Variants in CSMD1 observed in about 807,000 individuals in gnomAD.
CSMD1 encodes the protein CUB and sushi domain-containing protein 1.
Under a neutral mutation model 417.5 loss-of-function variants are expected in CSMD1, and 213 were observed. The ratio of observed to expected loss-of-function variants is 0.51; its 90% CI spans 0.46 to 0.57. The LOEUF is 0.57. CSMD1 is among the 20% of genes least tolerant of loss of function. The pLI is 0.00. For missense variants in CSMD1, 6,923 were observed against 4,529.7 expected, an observed-to-expected ratio of 1.53 and a Z score of -15.17; for synonymous variants, 2,862 against 1,736.8, an observed-to-expected ratio of 1.65 and a Z score of -16.11.
At chr8:3,257,843 G>A (rs1800774736) in intron 26 of CSMD1, among the ~76,000 whole-genome samples, 1 of 152,138 alleles carries the variant, frequency 6.6e-6, no homozygotes, top group African/African-American at 2.4e-5. Flanking sequence ...CAGCTGCAAG[G>A]GACTTGGGGC....
chr8:3,669,443 T>C (rs1398096104), intron 7 of CSMD1, among the ~76,000 whole-genome samples: 1 of 152,160 alleles, frequency 6.6e-6, no homozygotes, highest in African/African-American at 2.4e-5. Context: ...ACTCCACTGA[T>C]GGTCCTGTTC....
intron 1 of CSMD1, among the ~76,000 whole-genome samples, chr8:4,739,755 C>A (rs775841981): frequency 2.6e-5 from 4 of 152,154 alleles, no homozygotes; most frequent in African/African-American, 7.2e-5. Context: ...TCCCTTCCCA[C>A]AAAGATTCTC....
intron 3 of CSMD1, among the ~76,000 whole-genome samples, chr8:4,407,152 G>A (rs535040215): frequency 6.6e-6 from 1 of 152,270 alleles, no homozygotes; most frequent in East Asian, 1.9e-4. Flanking sequence ...AAAGCCAAAA[G>A]AGTAACTCTG....
chr8:4,835,792 C>T (rs1199791063), intron 1 of CSMD1, among the ~76,000 whole-genome samples: 2 of 151,466 alleles, frequency 1.3e-5, no homozygotes, highest in South Asian at 2.1e-4. Context: ...TAATTCTCAA[C>T]AGTGTTATAT....
At chr8:3,578,332 T>G (rs1020898804) in intron 9 of CSMD1, among the ~76,000 whole-genome samples, 1 of 152,076 alleles carries the variant, frequency 6.6e-6, no homozygotes, top group Non-Finnish European at 1.5e-5. Context: ...TCAGGGAGCT[T>G]TGGTGATGAT....
chr8:4,933,118 G>C (rs1409353118), intron 1 of CSMD1, among the ~76,000 whole-genome samples: 13 of 152,050 alleles, frequency 8.5e-5, no homozygotes, highest in Non-Finnish European at 1.6e-4. Flanking sequence ...TACTTGTATG[G>C]ATATGTTCTC....
chr8:4,663,670 C>T (rs1472843776), intron 1 of CSMD1, among the ~76,000 whole-genome samples: 1 of 152,196 alleles, frequency 6.6e-6, no homozygotes, highest in African/African-American at 2.4e-5. Flanking sequence ...GAGACCTCCC[C>T]AGCCATGCTT....
intron 1 of CSMD1, among the ~76,000 whole-genome samples, chr8:4,745,679 C>T (rs1343723748): frequency 2.0e-5 from 3 of 152,140 alleles, no homozygotes; most frequent in Non-Finnish European, 4.4e-5. Context: ...AGATTTTAAG[C>T]TTTCACAATT....
chr8:4,980,729 C>G (rs1279270056), intron 1 of CSMD1, among the ~76,000 whole-genome samples: 2 of 151,840 alleles, frequency 1.3e-5, no homozygotes, highest in Non-Finnish European at 2.9e-5. Context: ...AGGACAAGAC[C>G]CTGTCTCTGC....
rs900195257 is a variant in CSMD1 at position 4,787,868 on chromosome 8, C to T, written c.86-150310G>A. On this transcript the variant is annotated intron_variant, in intron 1 of 69. Coordinates refer to ENST00000635120, the MANE Select transcript of CSMD1 (RefSeq NM_033225.6). ...AAATCCTGGTTGCCCCAGAATTGTACACTGGTTGATATGAAGATTGAATTT... is the reference window on the plus strand; with the variant it reads ...AAATCCTGGTTGCCCCAGAATTGTATACTGGTTGATATGAAGATTGAATTT... 3.2e-6 allele frequency: 5 copies of T among 1,573,474 alleles called. No homozygotes were observed. The Admixed American group carries it at 5.1e-5, about 16-fold the overall frequency.
At chr8:3,273,210 T>C (rs1477361059) in intron 26 of CSMD1, among the ~76,000 whole-genome samples, 9 of 150,734 alleles carry the variant, frequency 6.0e-5, no homozygotes, top group Admixed American at 1.3e-4. Context: ...TTGTCTTTGG[T>C]TCTGTTTATA....
chr8:3,105,163 C>T (rs1220253147), intron 46 of CSMD1, among the ~76,000 whole-genome samples: 3 of 152,210 alleles, frequency 2.0e-5, no homozygotes, highest in African/African-American at 7.2e-5. Flanking sequence ...CTCGGTGAGT[C>T]TTTACAACAA....
chr8:4,273,884 G>C (rs901416501), intron 3 of CSMD1, among the ~76,000 whole-genome samples: 2 of 152,158 alleles, frequency 1.3e-5, no homozygotes, highest in South Asian at 2.1e-4. Context: ...ATGGTGTTAA[G>C]TGTTCAGTAA....
chr8:4,602,157 T>C (rs1227151777), intron 2 of CSMD1, among the ~76,000 whole-genome samples: 1 of 152,166 alleles, frequency 6.6e-6, no homozygotes, highest in Non-Finnish European at 1.5e-5. Flanking sequence ...GTGAACTGGC[T>C]TAATGTAAAA....
rs530918260 is a variant in CSMD1, at chr8:3,751,394, AAATAT to A, written c.931+2531_931+2535del. ...TAAATTATTTATATATTTCTTATAT[AAATAT>A]AATACAATAAATTTAATTAAATATA... On this transcript the variant is annotated intron_variant, in intron 6 of 69. Coordinates refer to ENST00000635120, the MANE Select transcript of CSMD1 (RefSeq NM_033225.6). Among the ~76,000 whole-genome samples, 1,243 of 148,036 alleles carry A rather than the reference AAATAT, an allele frequency of 8.4e-3. 12 individuals carry two copies. Among genetic ancestry groups the A allele is most frequent in the Non-Finnish European group, 0.014 (920 of 67,218 alleles).
At chr8:3,367,864 A>G (rs28652586) in intron 19 of CSMD1, among the ~76,000 whole-genome samples, 36,238 of 151,974 alleles carry the variant, frequency 0.24, 4,414 homozygotes, top group African/African-American at 0.3. Context: ...TTGTCAGTAG[A>G]CTCTTAGGGA....
At chr8:4,471,367 T>C (rs1308571230) in intron 2 of CSMD1, among the ~76,000 whole-genome samples, 1 of 152,178 alleles carries the variant, frequency 6.6e-6, no homozygotes, top group Non-Finnish European at 1.5e-5. Context: ...GACATTGGGT[T>C]AGACTATTTC....
chr8:3,421,755 A>G (rs2116978350), intron 12 of CSMD1, among the ~76,000 whole-genome samples: 1 of 152,270 alleles, frequency 6.6e-6, no homozygotes, highest in African/African-American at 2.4e-5. Context: ...GTCCTGTCTC[A>G]GCCTCCAGAG....
At chr8:4,085,511 T>C (rs1800371665) in intron 3 of CSMD1, among the ~76,000 whole-genome samples, 1 of 152,200 alleles carries the variant, frequency 6.6e-6, no homozygotes, top group African/African-American at 2.4e-5. Context: ...TTTCCTAATA[T>C]AAATTTTATC....
Sources: allele counts gnomAD v4.1 joint callset (sites outside exome capture counted in the v4.1 genomes callset), GRCh38; gene constraint gnomAD v4.1.1; transcripts MANE v1.5; gene names NCBI Gene and HGNC (gene_info 2026-07-23, HGNC 2026-07-21).